Variants in TBC1D5 observed in about 807,000 individuals in gnomAD.
The protein encoded by TBC1D5 is TBC1 domain family, member 5.
TBC1D5 carries 75 observed loss-of-function variants against 100.3 expected under a neutral mutation model. The ratio of observed to expected loss-of-function variants is 0.75; its 90% confidence interval spans 0.62 to 0.91. TBC1D5 has a LOEUF of 0.91. Among genes scored for constraint, TBC1D5 ranks in the 40% least tolerant of loss-of-function variants. The pLI, the probability that TBC1D5 is intolerant of heterozygous loss-of-function variation, is 0.00. For missense variants in TBC1D5, 910 were observed against 942.4 expected (o/e 0.97, Z 0.45); for synonymous variants, 323 against 325.6 (o/e 0.99, Z 0.09).
chr3:17,546,825 G>A (rs2096420760), intron 2 of TBC1D5, among the ~76,000 whole-genome samples: 1 of 151,282 alleles, frequency 6.6e-6, no homozygotes, highest in Non-Finnish European at 1.5e-5. Context: ...GAAATCCAAC[G>A]AGTCTGCTGA....
intron 19 of TBC1D5, among the ~76,000 whole-genome samples, chr3:17,177,271 G>A (rs1280535848): frequency 6.6e-6 from 1 of 152,124 alleles, no homozygotes; most frequent in Non-Finnish European, 1.5e-5. Flanking sequence ...GCCTGAAGAG[G>A]GATAAGCTAG....
chr3:17,445,201 T>C (rs1004119474), intron 3 of TBC1D5, among the ~76,000 whole-genome samples: 4 of 152,202 alleles, frequency 2.6e-5, no homozygotes, highest in Admixed American at 6.5e-5. Flanking sequence ...ATGTCTTATA[T>C]GAGCTTTCTT....
intron 13 of TBC1D5, among the ~76,000 whole-genome samples, chr3:17,343,521 G>T (rs1050224174): frequency 2.9e-5 from 4 of 139,118 alleles, no homozygotes; most frequent in African/African-American, 1.1e-4. Flanking sequence ...TCTATTGATT[G>T]GAATAGTTTC....
intron 17 of TBC1D5, among the ~76,000 whole-genome samples, chr3:17,232,417 C>T (rs1044542053): frequency 6.6e-6 from 1 of 152,174 alleles, no homozygotes; most frequent in Non-Finnish European, 1.5e-5. Context: ...TGTAAATTCT[C>T]TCCATATCAG....
At chr3:17,243,346 A>G (rs1277204808) in intron 16 of TBC1D5, among the ~76,000 whole-genome samples, 2 of 152,204 alleles carry the variant, frequency 1.3e-5, no homozygotes, top group Admixed American at 6.5e-5. Context: ...GATACCCAAT[A>G]TATCAAATAG....
intron 13 of TBC1D5, among the ~76,000 whole-genome samples, chr3:17,359,079 T>C (rs1192803979): frequency 6.6e-6 from 1 of 151,796 alleles, no homozygotes; most frequent in East Asian, 1.9e-4. Flanking sequence ...AATAAGAAAT[T>C]TGAGGGGATA....
intron 2 of TBC1D5, among the ~76,000 whole-genome samples, chr3:17,614,654 G>A (rs576001747): frequency 1.1e-4 from 16 of 152,298 alleles, no homozygotes; most frequent in African/African-American, 3.1e-4. Flanking sequence ...TAGCGATTGT[G>A]AATGGGAGTT....
intron 1 of TBC1D5, among the ~76,000 whole-genome samples, chr3:17,715,907 C>G (rs1370190619): frequency 6.6e-6 from 1 of 151,918 alleles, no homozygotes; most frequent in Non-Finnish European, 1.5e-5. Context: ...AAATATTTAG[C>G]CAGATGTGGT....
chr3:17,548,899 T>TC (rs1350106898), intron 2 of TBC1D5, among the ~76,000 whole-genome samples: 3 of 152,240 alleles, frequency 2.0e-5, no homozygotes, highest in Non-Finnish European at 4.4e-5. Flanking sequence ...GAGGTAGCAC[T>TC]CTCCAAATAC....
chr3:17,212,410 G>A (rs1175473388), intron 18 of TBC1D5, among the ~76,000 whole-genome samples: 1 of 152,120 alleles, frequency 6.6e-6, no homozygotes, highest in Admixed American at 6.5e-5. Context: ...ATTATGTACA[G>A]TGAATAATAA....
chr3:17,520,516 A>T (rs945105160), intron 2 of TBC1D5, among the ~76,000 whole-genome samples: 1 of 152,192 alleles, frequency 6.6e-6, no homozygotes, highest in Non-Finnish European at 1.5e-5. Context: ...ACTCAGATAA[A>T]GAAACATTTC....
At chr3:17,303,879 C>G (rs932279822) in intron 14 of TBC1D5, among the ~76,000 whole-genome samples, 2 of 124,564 alleles carry the variant, frequency 1.6e-5, no homozygotes, top group Non-Finnish European at 3.2e-5. Context: ...GGTACCACTT[C>G]CCAGTGTTTG....
chr3:17,446,475 T>C (rs1302627172), intron 3 of TBC1D5, among the ~76,000 whole-genome samples: 3 of 147,718 alleles, frequency 2.0e-5, no homozygotes, highest in East Asian at 4.0e-4. Flanking sequence ...AAAAAAAAAA[T>C]AGGAGAGGAG....
chr3:17,205,813 G>C (rs560233944), intron 18 of TBC1D5, among the ~76,000 whole-genome samples: 22 of 152,270 alleles, frequency 1.4e-4, no homozygotes, highest in African/African-American at 5.1e-4. Context: ...CAGCCCGCTT[G>C]AGAGAACACG....
intron 2 of TBC1D5, among the ~76,000 whole-genome samples, chr3:17,555,642 A>T (rs1203837973): frequency 1.2e-4 from 18 of 152,194 alleles, no homozygotes; most frequent in Admixed American, 1.2e-3. Flanking sequence ...CTCCCACAAG[A>T]GATAACCCTG....
At chr3:17,296,984 A>G (rs543081408) in intron 14 of TBC1D5, among the ~76,000 whole-genome samples, 1 of 152,362 alleles carries the variant, frequency 6.6e-6, no homozygotes, top group South Asian at 2.1e-4. Context: ...ATTTAATAAG[A>G]GATCAAGCAA....
intron 17 of TBC1D5, among the ~76,000 whole-genome samples, chr3:17,231,654 T>C (rs975026086): frequency 3.3e-5 from 5 of 152,184 alleles, no homozygotes; most frequent in Non-Finnish European, 7.4e-5. Flanking sequence ...AATTTTTTTT[T>C]CTGCTACCAC....
intron 1 of TBC1D5, among the ~76,000 whole-genome samples, chr3:17,643,270 G>A (rs2064702503): frequency 6.6e-6 from 1 of 152,060 alleles, no homozygotes; most frequent in South Asian, 2.1e-4. Context: ...TATCATATAA[G>A]TGATGTGCCC....
At chr3:17,523,384 C>A (rs2096085292) in intron 2 of TBC1D5, among the ~76,000 whole-genome samples, 1 of 152,112 alleles carries the variant, frequency 6.6e-6, no homozygotes, top group Admixed American at 6.6e-5. Context: ...ATAATGAAAA[C>A]TAGAATGTTA....
Sources: gnomAD v4.1 joint callset for allele counts (sites outside exome capture counted in the v4.1 genomes callset) on GRCh38, gnomAD v4.1.1 for gene constraint, MANE v1.5 for transcripts, NCBI Gene and HGNC (gene_info 2026-07-23, HGNC 2026-07-21) for gene names.